Variants in DPYSL2 observed in about 807,000 individuals in gnomAD.
The protein encoded by DPYSL2 is dihydropyrimidinase-related protein 2.
Under a neutral mutation model 69.9 loss-of-function variants are expected in DPYSL2, and 13 were observed. That is an observed-to-expected ratio of 0.19 (90% CI 0.12 to 0.30). DPYSL2 has a LOEUF of 0.30. Ranked by LOEUF, DPYSL2 falls within the 10% of genes least tolerant of loss-of-function variation. DPYSL2 has a pLI of 1.00. For missense variants in DPYSL2, 587 were observed against 918.9 expected (o/e 0.64, Z 4.67); for synonymous variants, 326 against 359.1 (o/e 0.91, Z 1.04).
intron 1 of DPYSL2, among the ~76,000 whole-genome samples, chr8:26,529,476 C>A (rs1800460292): frequency 6.6e-6 from 1 of 151,920 alleles, no homozygotes; most frequent in Non-Finnish European, 1.5e-5. Flanking sequence ...ACCACCACAC[C>A]TGGCTCATTT....
At chr8:26,577,101 A>AGCCTTCCCCGGATGCC (rs1379072706) in intron 1 of DPYSL2, 15 of 439,326 alleles carry the variant, frequency 3.4e-5, no homozygotes, top group African/African-American at 2.9e-4. Flanking sequence ...CATACCCCGC[A>AGCCTTCCCCGGATGCC]GCCTTCCCCG....
chr8:26,514,822 C>T lies in DPYSL2; in HGVS notation c.354+143C>T. The T allele has an allele frequency of 1.3e-6, 1 of 771,632 alleles. No individual in the cohort carries two copies. Among genetic ancestry groups the T allele is most frequent in the Non-Finnish European group, 1.9e-6 (1 of 534,342 alleles). The allele number at this position is 771,632 out of a possible 1,614,324, so 47.8% of individuals were successfully genotyped here. Reference sequence around the variant, plus strand: ...TGCACGCGCACCCCGCCCTACCCGCCCCTTCTCCGCGCAGGGTGCGGCGAG... The same window carrying T: ...TGCACGCGCACCCCGCCCTACCCGCTCCTTCTCCGCGCAGGGTGCGGCGAG... On this transcript the variant is annotated intron_variant, in intron 1 of 13. Transcript: ENST00000521913. The surrounding 1 kb of genome is among the most constrained non-coding windows in gnomAD (Gnocchi z 8.4).
Position 26,610,769 on chromosome 8 carries a change from T to C in DPYSL2, c.629-13374T>C, listed in dbSNP as rs1374371015. ...TGTACCAGGGATTATGTTCAGCAGGTTTATCTCCTCAAGGCACCCCTAAAG... is the reference window on the plus strand; with the variant it reads ...TGTACCAGGGATTATGTTCAGCAGGCTTATCTCCTCAAGGCACCCCTAAAG... On this transcript the variant is annotated intron_variant, in intron 3 of 13. Coordinates refer to ENST00000521913, the MANE Select transcript of DPYSL2 (RefSeq NM_001197293.3). This position sits in a 1 kb window ranked among gnomAD's most constrained non-coding sequence, Gnocchi z 4.5. Among the ~76,000 whole-genome samples, 2 of 152,182 alleles carry C rather than the reference T, an allele frequency of 1.3e-5. No homozygotes were observed. Among genetic ancestry groups the C allele is most frequent in the African/African-American group, 4.8e-5 (2 of 41,418 alleles).
At position 26,555,147 on chromosome 8, in the gene DPYSL2, A is replaced by C. The variant is rs113683821; in HGVS notation, c.355-26822A>C. Among the ~76,000 whole-genome samples the C allele has an allele frequency of 3.9e-3, 590 of 152,294 alleles. 3 individuals carry two copies. The highest frequency in any genetic ancestry group is 0.013 in the African/African-American group (535 of 41,580). ...AAGAAGATCTGCAAAAATGGCTAACATCATATTTATGGTGAGAAACCATAA... is the reference window on the plus strand; with the variant it reads ...AAGAAGATCTGCAAAAATGGCTAACCTCATATTTATGGTGAGAAACCATAA... On this transcript the variant is annotated intron_variant, in intron 1 of 13. Transcript: ENST00000521913.
rs1801619067 is a variant in DPYSL2 at position 26,586,904 on chromosome 8, G to A, written c.628+2921G>A. ...CCTCAAGGAATAAAAGTCATCAGAG[G>A]GGGCAGTGTATGGTTAGCATTGTGA... is the stretch of plus-strand genomic sequence containing the variant. On this transcript the variant is annotated intron_variant, in intron 3 of 13. Coordinates refer to ENST00000521913, the MANE Select transcript of DPYSL2 (RefSeq NM_001197293.3). This position sits in a 1 kb window ranked among gnomAD's most constrained non-coding sequence, Gnocchi z 4.7. 6.6e-6 allele frequency among the ~76,000 whole-genome samples: 1 copy of A among 152,200 alleles called. No homozygotes were observed. Among genetic ancestry groups the A allele is most frequent in the South Asian group, 2.1e-4 (1 of 4,834 alleles).
At position 26,609,668 on chromosome 8, in the gene DPYSL2, C is replaced by T. The variant is rs547980274; in HGVS notation, c.629-14475C>T. On this transcript the variant is annotated intron_variant, in intron 3 of 13. Coordinates refer to ENST00000521913, the MANE Select transcript of DPYSL2 (RefSeq NM_001197293.3). This position sits in a 1 kb window ranked among gnomAD's most constrained non-coding sequence, Gnocchi z 6.5. The stretch of plus-strand genomic sequence containing the variant: ...ACCTCATCGGGCTGGACGCTGCCGG[C>T]TGCCACCCGTCGCTGAGCTGGAGCT... Among the ~76,000 whole-genome samples the T allele has an allele frequency of 6.6e-6, 1 of 152,336 alleles. No individual in the cohort carries two copies. The highest frequency in any genetic ancestry group is 2.1e-4 in the South Asian group (1 of 4,828).
rs1183468885 is a variant in DPYSL2 at position 26,652,331 on chromosome 8, T to G, written c.1671T>G (p.Ile557Met). 6.2e-7 allele frequency: 1 copy of G among 1,614,222 alleles called. No individual in the cohort carries two copies. The highest frequency in any genetic ancestry group is 2.2e-5 in the East Asian group (1 of 44,878). ...TGGTGGTCATCAGCCAGGGGAAGAT[T>G]GTCCTGGAGGACGGCACCCTGCATG... ...SPLVVISQGK[I>M]VLEDGTLHVT... The change falls in exon 12 of 14, where the codon ATT becomes ATG. Residue 557 changes from isoleucine to methionine, a missense_variant. By Grantham distance (10) the Ile-to-Met change is conservative. This residue lies in a region of DPYSL2 where 452 missense variants were observed against 754.3 expected (regional missense o/e 0.60). Transcript: ENST00000521913. The surrounding 1 kb of genome is among the most constrained non-coding windows in gnomAD (Gnocchi z 6.3).
At chr8:26,540,197 G>T (rs1800656451) in intron 1 of DPYSL2, among the ~76,000 whole-genome samples, 1 of 152,090 alleles carries the variant, frequency 6.6e-6, no homozygotes, top group South Asian at 2.1e-4. Flanking sequence ...CAGAAATTCT[G>T]GGGCTGAAGA....
rs1387635624 is a variant in DPYSL2 at position 26,624,204 on chromosome 8, A to G, written c.690A>G (p.Glu230=). ...SLLAAFDQWR[E]WADSKSCCDY... is the part of the protein sequence containing the mutation. ...TCGCTGCCTTTGACCAGTGGAGGGA[A>G]TGGGCCGACAGCAAGTCCTGCTGTG... Residue 230 remains glutamate, a synonymous_variant, in exon 4 of 14, where the codon GAA becomes GAG. Transcript: ENST00000521913. The surrounding 1 kb of genome is among the most constrained non-coding windows in gnomAD (Gnocchi z 4.7). The G allele has an allele frequency of 6.2e-7, 1 of 1,614,186 alleles. No individual in the cohort carries two copies. Among genetic ancestry groups the G allele is most frequent in the Non-Finnish European group, 8.5e-7 (1 of 1,180,024 alleles).
rs1800449558 is a variant in DPYSL2 at position 26,529,244 on chromosome 8, CT to C, written c.354+14566del. 3.5e-5 allele frequency among the ~76,000 whole-genome samples: 3 copies of C among 84,508 alleles called. 1 individual carries two copies. Among genetic ancestry groups the C allele is most frequent in the South Asian group, 6.8e-4 (2 of 2,942 alleles). The allele number at this position is 84,508 out of a possible 152,430, so 55.4% of individuals were successfully genotyped here. ...TATATATAAATTTAAATCTATCTAT[CT>C]ATCTATCTATCTATCTATCTATCTA... is the stretch of plus-strand genomic sequence containing the variant. On this transcript the variant is annotated intron_variant, in intron 1 of 13. Transcript: ENST00000521913.
At position 26,627,779 on chromosome 8, in the gene DPYSL2, T is replaced by C. The variant is rs748280328; in HGVS notation, c.937-93T>C. ...AACGATCGGCAGTGGTAATTTTCCA[T>C]CTTGCCCGGATAACTGCATGCCCGG... On this transcript the variant is annotated intron_variant, in intron 6 of 13. Coordinates refer to ENST00000521913, the MANE Select transcript of DPYSL2 (RefSeq NM_001197293.3). This position sits in a 1 kb window ranked among gnomAD's most constrained non-coding sequence, Gnocchi z 6.9. 90 of 1,307,078 alleles carry C rather than the reference T, an allele frequency of 6.9e-5. No individual in the cohort carries two copies. Among genetic ancestry groups the C allele is most frequent in the Non-Finnish European group, 9.3e-5 (86 of 928,878 alleles). The allele number at this position is 1,307,078 out of a possible 1,614,324, so 81.0% of individuals were successfully genotyped here.
At chr8:26,602,159 T>TTA (rs369347413) in intron 3 of DPYSL2, among the ~76,000 whole-genome samples, 2 of 149,806 alleles carry the variant, frequency 1.3e-5, no homozygotes, top group African/African-American at 5.0e-5. Context: ...TTTTTTTTTT[T>TTA]ATGTTGAGGG....
At chr8:26,557,428 C>T (rs1801006107) in intron 1 of DPYSL2, among the ~76,000 whole-genome samples, 1 of 151,876 alleles carries the variant, frequency 6.6e-6, no homozygotes, top group African/African-American at 2.4e-5. Flanking sequence ...GTACTCACGG[C>T]AAATAAGCAT....
At chr8:26,539,072 A>G (rs1800639763) in intron 1 of DPYSL2, among the ~76,000 whole-genome samples, 1 of 152,212 alleles carries the variant, frequency 6.6e-6, no homozygotes, top group African/African-American at 2.4e-5. Flanking sequence ...GCTCCCACTA[A>G]TAAGTGAGAA....
At position 26,626,771 on chromosome 8, in the gene DPYSL2, T is replaced by C. The variant is rs573753521; in HGVS notation, c.855+93T>C. 2 of 1,308,922 alleles carry C rather than the reference T, an allele frequency of 1.5e-6. No individual in the cohort carries two copies. The highest frequency in any genetic ancestry group is 2.2e-6 in the Non-Finnish European group (2 of 922,432). 81.1% of individuals were successfully genotyped at this position (1,308,922 alleles called of 1,614,324 possible). The stretch of plus-strand genomic sequence containing the variant: ...AAAGCAGTCTCCGATGTATGCATGT[T>C]TCCTAGCTTCCTGGGAAGTGGCTGG... On this transcript the variant is annotated intron_variant, in intron 5 of 13. Transcript: ENST00000521913. This position sits in a 1 kb window ranked among gnomAD's most constrained non-coding sequence, Gnocchi z 4.3.
At chr8:26,570,858 T>A (rs1801225953) in intron 1 of DPYSL2, among the ~76,000 whole-genome samples, 1 of 151,830 alleles carries the variant, frequency 6.6e-6, no homozygotes, top group Non-Finnish European at 1.5e-5. Context: ...TCCTCGTCTA[T>A]AAAATGAGGA....
rs758071708 is a variant in DPYSL2, at chr8:26,643,563, C to T, written c.1251C>T (p.Thr417=). ...VTSPPLSPDP[T]TPDFLNSLLS... Reference sequence around the variant, plus strand: ...CCCCACCCTTGAGCCCTGATCCAACCACTCCAGACTTTCTCAACTCCTTGC... The same window carrying T: ...CCCCACCCTTGAGCCCTGATCCAACTACTCCAGACTTTCTCAACTCCTTGC... Residue 417 remains threonine, a synonymous_variant, in exon 9 of 14, where the codon ACC becomes ACT. Transcript: ENST00000521913. This position sits in a 1 kb window ranked among gnomAD's most constrained non-coding sequence, Gnocchi z 6.5. 1.2e-5 allele frequency: 20 copies of T among 1,614,058 alleles called. No individual in the cohort carries two copies. Among genetic ancestry groups the T allele is most frequent in the Non-Finnish European group, 1.0e-5 (12 of 1,180,038 alleles).
intron 3 of DPYSL2, among the ~76,000 whole-genome samples, chr8:26,594,696 C>G (rs1386421326): frequency 6.6e-6 from 1 of 152,124 alleles, no homozygotes; most frequent in Non-Finnish European, 1.5e-5. Context: ...TCTAATCTAT[C>G]AATTGACCAT....
rs1266454334 is a variant in DPYSL2 at position 26,641,063 on chromosome 8, A to G, written c.1127-2376A>G. ...CGCAGGGAGAGATAAGCCTGTGGTC[A>G]GCAGCATTCATCCCCATGGTATTCA... On this transcript the variant is annotated intron_variant, in intron 8 of 13. Transcript: ENST00000521913. The surrounding 1 kb of genome is among the most constrained non-coding windows in gnomAD (Gnocchi z 4.1). 2.0e-5 allele frequency among the ~76,000 whole-genome samples: 3 copies of G among 152,218 alleles called. No homozygotes were observed. The highest frequency in any genetic ancestry group is 4.4e-5 in the Non-Finnish European group (3 of 68,040).
Sources: gnomAD v4.1 joint callset for allele counts (sites outside exome capture counted in the v4.1 genomes callset) on GRCh38, gnomAD v4.1.1 for gene constraint, gnomAD v4.1.1 regional missense constraint, Gnocchi (gnomAD v3.1) non-coding constraint, MANE v1.5 for transcripts, NCBI Gene and HGNC (gene_info 2026-07-23, HGNC 2026-07-21) for gene names.